The following ADARB2 variants were observed in gnomAD, a reference collection of about 807,000 sequenced individuals.
ADARB2 encodes adenosine deaminase RNA specific B2 (inactive).
A neutral mutation model predicts 62.2 loss-of-function variants in ADARB2; 25 were observed. That is an observed-to-expected ratio of 0.40 (90% confidence interval 0.29 to 0.56). ADARB2 has a LOEUF of 0.56. ADARB2 is among the 20% of genes least tolerant of loss of function. The pLI, the probability that ADARB2 is intolerant of heterozygous loss-of-function variation, is 0.43. For missense variants in ADARB2, 1,071 were observed against 1,077.4 expected (o/e 0.99, Z 0.08); for synonymous variants, 572 against 500.8 (o/e 1.14, Z -1.90).
At chr10:1,410,514 C>A (rs1159152650) in intron 1 of ADARB2, among the ~76,000 whole-genome samples, 1 of 152,206 alleles carries the variant, frequency 6.6e-6, no homozygotes. Flanking sequence ...GGCGGGCAGA[C>A]AACAGAGATG....
intron 2 of ADARB2, among the ~76,000 whole-genome samples, chr10:1,375,111 G>A (rs1832410799): frequency 6.6e-6 from 1 of 152,184 alleles, no homozygotes; most frequent in Non-Finnish European, 1.5e-5. Flanking sequence ...TCAGGAAGGA[G>A]CAGGTGCGGC....
In ADARB2 at chr10:1,398,454, C is replaced by G. The variant is rs1022033709; in HGVS notation, c.101-19294G>C. ...GTTTCTTCCTTGGTCCTCCCACTCG[C>G]TCCTGTTTTTCAGGGCCCCTCCTCT... On this transcript the variant is annotated intron_variant, in intron 1 of 9. Coordinates refer to ENST00000381312, the MANE Select transcript of ADARB2 (RefSeq NM_018702.4). The surrounding 1 kb of genome is among the most constrained non-coding windows in gnomAD (Gnocchi z 4.1). Among the ~76,000 whole-genome samples the G allele has an allele frequency of 3.3e-5, 5 of 152,128 alleles. No homozygotes were observed. The highest frequency in any genetic ancestry group is 9.7e-5 in the African/African-American group (4 of 41,430).
chr10:1,344,732 G>T (rs970932443), intron 3 of ADARB2, among the ~76,000 whole-genome samples: 9 of 152,178 alleles, frequency 5.9e-5, no homozygotes, highest in African/African-American at 2.2e-4. Context: ...TTCTGGGACG[G>T]GCACGGCGAG....
At chr10:1,501,164 C>A (rs142619107) in intron 1 of ADARB2, among the ~76,000 whole-genome samples, 2 of 152,292 alleles carry the variant, frequency 1.3e-5, no homozygotes, top group South Asian at 4.1e-4. Context: ...TGAGTCACCA[C>A]GCCTGGCCTC....
At chr10:1,335,253 G>GGGATGGATAGAA (rs1831962728) in intron 3 of ADARB2, among the ~76,000 whole-genome samples, 1 of 150,232 alleles carries the variant, frequency 6.7e-6, no homozygotes, top group Non-Finnish European at 1.5e-5. Flanking sequence ...GAGGGTGGGA[G>GGGATGGATAGAA]GGATGGATAG....
chr10:1,232,176 CGCACACACA>C (rs1164696820), intron 6 of ADARB2, among the ~76,000 whole-genome samples: 1 of 139,872 alleles, frequency 7.1e-6, no homozygotes, highest in Non-Finnish European at 1.5e-5. Flanking sequence ...GCACACACAC[CGCACACACA>C]CCGCACACAT....
At chr10:1,403,415 G>T (rs11250495) in intron 1 of ADARB2, among the ~76,000 whole-genome samples, 1 of 152,156 alleles carries the variant, frequency 6.6e-6, no homozygotes. Flanking sequence ...GCTAAGCTTG[G>T]TCCTGGTCAG....
chr10:1,631,528 C>T (rs546365183), intron 1 of ADARB2, among the ~76,000 whole-genome samples: 14 of 152,322 alleles, frequency 9.2e-5, no homozygotes, highest in African/African-American at 2.2e-4. Context: ...GCAGTGCTTC[C>T]GTCACTCTTT....
At chr10:1,516,809 T>A (rs1832014889) in intron 1 of ADARB2, among the ~76,000 whole-genome samples, 2 of 152,172 alleles carry the variant, frequency 1.3e-5, no homozygotes, top group South Asian at 4.1e-4. Flanking sequence ...AGGTTGCAAA[T>A]GGCCTCACTT....
In ADARB2 at chr10:1,498,410, G is replaced by A. The variant is rs935330906; in HGVS notation, c.101-119250C>T. Among the ~76,000 whole-genome samples, 41 of 132,658 alleles carry A rather than the reference G, an allele frequency of 3.1e-4. 1 individual carries two copies. The highest frequency in any genetic ancestry group is 9.5e-4 in the African/African-American group (33 of 34,822). 87.0% of individuals were successfully genotyped at this position (132,658 alleles called of 152,430 possible). A position where few individuals can be genotyped will look rare whatever the true frequency, so the allele number is the denominator to read the frequency against. ...AATAAATAAATAAATAAATAAATAA[G>A]TAATTTTTTTAAAAACAAAGGAAAA... is the stretch of plus-strand genomic sequence containing the variant. On this transcript the variant is annotated intron_variant, in intron 1 of 9. Coordinates refer to ENST00000381312, the MANE Select transcript of ADARB2 (RefSeq NM_018702.4).
At chr10:1,410,311 G>A (rs1253993322) in intron 1 of ADARB2, among the ~76,000 whole-genome samples, 1 of 135,784 alleles carries the variant, frequency 7.4e-6, no homozygotes, top group Non-Finnish European at 1.5e-5. Context: ...GCCTGGCCGT[G>A]GTCATAGGGA....
At chr10:1,565,145 G>A (rs1393351078) in intron 1 of ADARB2, among the ~76,000 whole-genome samples, 2 of 152,168 alleles carry the variant, frequency 1.3e-5, no homozygotes, top group African/African-American at 4.8e-5. Flanking sequence ...AACATTTTAG[G>A]TTCTGGACCT....
At chr10:1,579,482 T>A (rs1041065936) in intron 1 of ADARB2, among the ~76,000 whole-genome samples, 1 of 152,166 alleles carries the variant, frequency 6.6e-6, no homozygotes, top group African/African-American at 2.4e-5. Context: ...GTGACTCAGC[T>A]GTAAAGAGTA....
chr10:1,634,158 T>G (rs1446875251), intron 1 of ADARB2, among the ~76,000 whole-genome samples: 1 of 152,098 alleles, frequency 6.6e-6, no homozygotes, highest in Non-Finnish European at 1.5e-5. Context: ...GGGAGGACCC[T>G]GGGGCCACAC....
At chr10:1,544,931 A>T (rs1249069649) in intron 1 of ADARB2, among the ~76,000 whole-genome samples, 1 of 121,030 alleles carries the variant, frequency 8.3e-6, no homozygotes, top group Non-Finnish European at 1.9e-5. Flanking sequence ...TCTATATAAT[A>T]TGTGAAGTCT....
chr10:1,544,503 C>G (rs1325210684), intron 1 of ADARB2, among the ~76,000 whole-genome samples: 1 of 152,112 alleles, frequency 6.6e-6, no homozygotes, highest in Admixed American at 6.5e-5. Context: ...TTCCAGAGGA[C>G]CCAGCCAGAG....
At chr10:1,716,791 G>T (rs890973179) in intron 1 of ADARB2, among the ~76,000 whole-genome samples, 3 of 152,200 alleles carry the variant, frequency 2.0e-5, no homozygotes, top group African/African-American at 7.2e-5. Flanking sequence ...AGGATTCTGA[G>T]ATCTCTGAGT....
At chr10:1,636,152 A>AG (rs940247950) in intron 1 of ADARB2, among the ~76,000 whole-genome samples, 12 of 152,066 alleles carry the variant, frequency 7.9e-5, no homozygotes, top group African/African-American at 2.9e-4. Context: ...GAGCGAGTTG[A>AG]GGGGGGTGCA....
At chr10:1,219,963 GTGATGGATGATGGTGATGGTGGTGA>G (rs1830670250) in intron 6 of ADARB2, among the ~76,000 whole-genome samples, 3 of 137,628 alleles carry the variant, frequency 2.2e-5, no homozygotes, top group African/African-American at 5.6e-5. Context: ...GATGGTGGTG[GTGATGGATGATGGTGATGGTGGTGA>G]TGATGGTGAT....
Sources: allele counts gnomAD v4.1 joint callset (sites outside exome capture counted in the v4.1 genomes callset), GRCh38; gene constraint gnomAD v4.1.1; non-coding constraint Gnocchi (gnomAD v3.1); transcripts MANE v1.5; gene names NCBI Gene and HGNC (gene_info 2026-07-23, HGNC 2026-07-21).